EPHB1: variants seen among roughly 807,000 people sequenced by gnomAD.
The protein encoded by EPHB1 is EPH receptor B1.
EPHB1 carries 30 observed loss-of-function variants against 94.4 expected under a neutral mutation model. The ratio of observed to expected loss-of-function variants is 0.32; its 90% CI spans 0.24 to 0.43. The LOEUF is 0.43. EPHB1 is among the 20% of genes least tolerant of loss of function. The pLI is 1.00. For synonymous variants in EPHB1, 522 were observed against 489.1 expected (o/e 1.07, Z -0.89); for missense variants, 1,055 against 1,308.3 (o/e 0.81, Z 2.99).
intron 1 of EPHB1, among the ~76,000 whole-genome samples, chr3:134,800,245 G>A (rs72982132): frequency 0.13 from 19,720 of 152,042 alleles, 3,092 homozygotes; most frequent in African/African-American, 0.38. Flanking sequence ...GTAGGGACAA[G>A]TAATACCCAA....
chr3:134,972,447 T>A (rs1034436615), intron 3 of EPHB1, among the ~76,000 whole-genome samples: 24 of 144,474 alleles, frequency 1.7e-4, no homozygotes, highest in Middle Eastern at 3.6e-3. Flanking sequence ...ATATATTATA[T>A]GTATTATAAA....
chr3:134,883,791 T>G (rs540715806), intron 1 of EPHB1, among the ~76,000 whole-genome samples: 1 of 152,300 alleles, frequency 6.6e-6, no homozygotes, highest in African/African-American at 2.4e-5. Flanking sequence ...CAGTTCCCAG[T>G]GAGGCCGGAG....
At chr3:134,906,402 CT>C (rs2038329249) in intron 1 of EPHB1, among the ~76,000 whole-genome samples, 1 of 152,154 alleles carries the variant, frequency 6.6e-6, no homozygotes, top group Admixed American at 6.5e-5. Context: ...GTCACACAAA[CT>C]TTTGTGGACG....
chr3:134,858,597 A>G (rs1472300332), intron 1 of EPHB1, among the ~76,000 whole-genome samples: 2 of 152,192 alleles, frequency 1.3e-5, no homozygotes, highest in East Asian at 3.8e-4. Flanking sequence ...GAGCTTATGT[A>G]ACCTGAGTGC....
chr3:134,813,379 G>A (rs2036211756), intron 1 of EPHB1, among the ~76,000 whole-genome samples: 1 of 152,212 alleles, frequency 6.6e-6, no homozygotes. Context: ...CCATGGTGGT[G>A]GCAGCAGAAA....
chr3:134,896,833 C>T (rs998405273), intron 1 of EPHB1, among the ~76,000 whole-genome samples: 3 of 152,230 alleles, frequency 2.0e-5, no homozygotes, highest in Non-Finnish European at 4.4e-5. Flanking sequence ...AGGCCCTGCC[C>T]AAGAGCCCTT....
intron 3 of EPHB1, among the ~76,000 whole-genome samples, chr3:135,014,382 G>T (rs1363922309): frequency 6.6e-6 from 1 of 152,066 alleles, no homozygotes; most frequent in Non-Finnish European, 1.5e-5. Context: ...TCCAAAAGGG[G>T]GCCTTCCTTT....
chr3:135,120,879 G>C (rs908342220), intron 4 of EPHB1, among the ~76,000 whole-genome samples: 1 of 152,162 alleles, frequency 6.6e-6, no homozygotes, highest in Admixed American at 6.5e-5. Context: ...CATCTAGGAA[G>C]GGGGCTCTTA....
intron 6 of EPHB1, among the ~76,000 whole-genome samples, chr3:135,159,069 G>A (rs550308277): frequency 1.3e-5 from 2 of 152,264 alleles, no homozygotes; most frequent in East Asian, 1.9e-4. Flanking sequence ...CAAGCATTGC[G>A]CTGCATATTG....
intron 2 of EPHB1, among the ~76,000 whole-genome samples, chr3:134,930,862 T>A (rs1035463571): frequency 7.9e-5 from 12 of 152,228 alleles, no homozygotes; most frequent in African/African-American, 2.9e-4. Context: ...TACCAACCTC[T>A]AACATACTGT....
intron 1 of EPHB1, among the ~76,000 whole-genome samples, chr3:134,856,962 T>G (rs1361136672): frequency 6.6e-6 from 1 of 152,266 alleles, no homozygotes; most frequent in Non-Finnish European, 1.5e-5. Flanking sequence ...CTGAACTGTG[T>G]GAATCTGTAT....
At chr3:134,907,271 A>G (rs1407612686) in intron 1 of EPHB1, among the ~76,000 whole-genome samples, 1 of 152,204 alleles carries the variant, frequency 6.6e-6, no homozygotes, top group Non-Finnish European at 1.5e-5. Context: ...TTTTGACTTC[A>G]ACTCCAGTGC....
chr3:134,896,870 G>C (rs980962295), intron 1 of EPHB1, among the ~76,000 whole-genome samples: 2 of 152,222 alleles, frequency 1.3e-5, no homozygotes, highest in African/African-American at 4.8e-5. Context: ...GGAGGTTGGC[G>C]AAGGGTGAGC....
chr3:135,052,673 A>G (rs1406390574), intron 3 of EPHB1, among the ~76,000 whole-genome samples: 1 of 151,016 alleles, frequency 6.6e-6, no homozygotes, highest in African/African-American at 2.4e-5. Flanking sequence ...CATCCTGGCT[A>G]ACACGGTGAG....
intron 1 of EPHB1, among the ~76,000 whole-genome samples, chr3:134,846,135 AG>A (rs959756914): frequency 1.3e-5 from 2 of 152,188 alleles, no homozygotes; most frequent in African/African-American, 4.8e-5. Context: ...TTGGAGGCCC[AG>A]GGGACAGGAG....
chr3:135,142,073 T>C (rs1940848920), intron 5 of EPHB1, among the ~76,000 whole-genome samples: 1 of 152,180 alleles, frequency 6.6e-6, no homozygotes, highest in South Asian at 2.1e-4. Flanking sequence ...GTGGAGAGTT[T>C]GAGTACTCAA....
chr3:135,258,595 C>A (rs1416702563), intron 15 of EPHB1, among the ~76,000 whole-genome samples: 1 of 152,172 alleles, frequency 6.6e-6, no homozygotes, highest in Non-Finnish European at 1.5e-5. Flanking sequence ...GTGAGCCCCA[C>A]ATCTTTTCAG....
At chr3:135,185,953 T>C (rs189399676) in intron 10 of EPHB1, among the ~76,000 whole-genome samples, 6 of 152,348 alleles carry the variant, frequency 3.9e-5, no homozygotes, top group Admixed American at 1.3e-4. Flanking sequence ...ATGGTCCTCA[T>C]AGAATACCCT....
chr3:135,011,122 C>T (rs1935605291), intron 3 of EPHB1, among the ~76,000 whole-genome samples: 1 of 152,160 alleles, frequency 6.6e-6, no homozygotes, highest in East Asian at 1.9e-4. Flanking sequence ...GGGCAACCTG[C>T]CTGGGTTTAT....
Sources: gnomAD v4.1 joint callset for allele counts (sites outside exome capture counted in the v4.1 genomes callset) on GRCh38, gnomAD v4.1.1 for gene constraint, MANE v1.5 for transcripts, NCBI Gene and HGNC (gene_info 2026-07-23, HGNC 2026-07-21) for gene names.